ACOXL: variants seen among roughly 807,000 people sequenced by gnomAD.
The protein encoded by ACOXL is acyl-CoA oxidase like.
ACOXL carries 70 observed loss-of-function variants against 71.9 expected under a neutral mutation model. The observed-to-expected ratio is 0.97, with a 90% CI of 0.80 to 1.19. ACOXL has a LOEUF of 1.19. Ranked by LOEUF, ACOXL falls within the 50% of genes most tolerant of loss-of-function variation. ACOXL has a pLI of 0.00. For synonymous variants in ACOXL, 253 were observed against 281.6 expected, an observed-to-expected ratio of 0.90 and a Z score of 1.02; for missense variants, 703 against 736.3, an observed-to-expected ratio of 0.95 and a Z score of 0.52.
At chr2:111,061,453 C>T (rs2066808381) in intron 16 of ACOXL, among the ~76,000 whole-genome samples, 1 of 151,880 alleles carries the variant, frequency 6.6e-6, no homozygotes, top group Non-Finnish European at 1.5e-5. Flanking sequence ...GTCAAGCTAT[C>T]CTCAGATTAG....
chr2:110,963,319 TA>T (rs61659448), intron 12 of ACOXL, among the ~76,000 whole-genome samples: 18 of 149,582 alleles, frequency 1.2e-4, no homozygotes, highest in Admixed American at 2.7e-4. Context: ...AAGAACGAGG[TA>T]AAAAAAAAAT....
At chr2:110,816,302 T>C (rs1172824320) in intron 9 of ACOXL, among the ~76,000 whole-genome samples, 4 of 152,008 alleles carry the variant, frequency 2.6e-5, no homozygotes, top group African/African-American at 7.2e-5. Flanking sequence ...ATAAATATAG[T>C]GGCAAAGGGG....
intron 1 of ACOXL, among the ~76,000 whole-genome samples, chr2:110,764,982 T>G (rs1680869033): frequency 6.6e-6 from 1 of 152,236 alleles, no homozygotes; most frequent in Non-Finnish European, 1.5e-5. Flanking sequence ...AACATTGTCT[T>G]AGATTTTTTT....
intron 9 of ACOXL, among the ~76,000 whole-genome samples, chr2:110,832,401 G>A (rs371380034): frequency 3.9e-5 from 6 of 151,964 alleles, no homozygotes; most frequent in Non-Finnish European, 5.9e-5. Flanking sequence ...AGCCGGGTGC[G>A]GTGGCGGGCG....
chr2:111,017,667 G>T (rs1000872728), intron 14 of ACOXL, among the ~76,000 whole-genome samples: 44 of 152,194 alleles, frequency 2.9e-4, no homozygotes, highest in African/African-American at 1.0e-3. Context: ...ACTCCAGCCT[G>T]CCTGCTTGCC....
chr2:110,803,557 C>T (rs1372667716), intron 8 of ACOXL, among the ~76,000 whole-genome samples: 7 of 152,084 alleles, frequency 4.6e-5, no homozygotes, highest in Non-Finnish European at 7.4e-5. Flanking sequence ...AGAGCTAAAA[C>T]TACACAAATC....
chr2:111,049,349 G>C, intron 16 of ACOXL, 61 bp downstream of exon 16: 1 of 1,310,536 alleles, frequency 7.6e-7, no homozygotes, highest in African/African-American at 1.5e-5. Flanking sequence ...TTGCCCTGAG[G>C]AGAGTTTCAT....
intron 16 of ACOXL, among the ~76,000 whole-genome samples, chr2:111,061,183 T>C (rs573295210): frequency 6.6e-6 from 1 of 152,188 alleles, no homozygotes; most frequent in East Asian, 1.9e-4. Flanking sequence ...GAATGACCAA[T>C]AGGATACATC....
At chr2:111,096,335 C>T (rs1183357028) in intron 17 of ACOXL, among the ~76,000 whole-genome samples, 2 of 151,792 alleles carry the variant, frequency 1.3e-5, no homozygotes, top group East Asian at 3.9e-4. Flanking sequence ...CTCCCGGGTC[C>T]CCATTCAAGC....
intron 15 of ACOXL, among the ~76,000 whole-genome samples, chr2:111,044,482 G>C (rs2065925474): frequency 1.3e-5 from 2 of 152,236 alleles, no homozygotes; most frequent in African/African-American, 2.4e-5. Context: ...ATTATCGAGG[G>C]CCCTGGCGCA....
At chr2:110,865,526 CA>C (rs1424499432) in intron 10 of ACOXL, among the ~76,000 whole-genome samples, 1 of 152,130 alleles carries the variant, frequency 6.6e-6, no homozygotes, top group African/African-American at 2.4e-5. Context: ...GAGAAGCAGC[CA>C]ACCTAAGGGG....
intron 17 of ACOXL, chr2:111,101,915 T>C (rs1408824857): frequency 6.6e-6 from 1 of 152,348 alleles, no homozygotes; most frequent in Non-Finnish European, 1.5e-5. Flanking sequence ...CAACTGGGAG[T>C]CACATTTTTA....
At chr2:110,997,554 C>T (rs930548305) in intron 14 of ACOXL, among the ~76,000 whole-genome samples, 1 of 152,128 alleles carries the variant, frequency 6.6e-6, no homozygotes, top group African/African-American at 2.4e-5. Flanking sequence ...CAGATTTAAT[C>T]CCTGAGTACA....
At chr2:110,820,646 G>A (rs1005067509) in intron 9 of ACOXL, among the ~76,000 whole-genome samples, 8 of 152,190 alleles carry the variant, frequency 5.3e-5, no homozygotes, top group Non-Finnish European at 1.2e-4. Flanking sequence ...GACAGAAGAA[G>A]AAGGCTTGTG....
At chr2:110,978,457 G>C (rs1055811204) in intron 12 of ACOXL, among the ~76,000 whole-genome samples, 1 of 152,164 alleles carries the variant, frequency 6.6e-6, no homozygotes, top group Non-Finnish European at 1.5e-5. Context: ...TTTACAGACC[G>C]CAGAGAAGTG....
At position 110,806,280 on chromosome 2, in the gene ACOXL, G is replaced by A. The variant is rs567172539; in HGVS notation, c.753+885G>A. On this transcript the variant is annotated intron_variant, in intron 9 of 17. Coordinates refer to ENST00000439055, the MANE Select transcript of ACOXL (RefSeq NM_001142807.4). ...GGCACAGCTGTGGCCATCAACACGCGTACGCGGCCTGGCCTCGTGCCCGCC... is the reference window on the plus strand; with the variant it reads ...GGCACAGCTGTGGCCATCAACACGCATACGCGGCCTGGCCTCGTGCCCGCC... 4.6e-5 allele frequency among the ~76,000 whole-genome samples: 7 copies of A among 152,348 alleles called. No individual in the cohort carries two copies. The South Asian group carries it at 8.3e-4, about 18-fold the overall frequency.
At chr2:110,867,440 G>A (rs1259903341) in intron 10 of ACOXL, among the ~76,000 whole-genome samples, 1 of 152,194 alleles carries the variant, frequency 6.6e-6, no homozygotes, top group Non-Finnish European at 1.5e-5. Context: ...TGGAGAACTT[G>A]TTCTCTTCCA....
intron 2 of ACOXL, among the ~76,000 whole-genome samples, chr2:110,783,148 C>T (rs887165301): frequency 5.3e-5 from 8 of 152,326 alleles, no homozygotes; most frequent in Non-Finnish European, 8.8e-5. Context: ...CATTTGACCT[C>T]CCTGAGCCTG....
At chr2:110,759,472 T>C (rs1680106513) in intron 1 of ACOXL, among the ~76,000 whole-genome samples, 1 of 152,214 alleles carries the variant, frequency 6.6e-6, no homozygotes, top group African/African-American at 2.4e-5. Flanking sequence ...GTTGAAAGTC[T>C]ATTTTTTCAG....
Sources: gnomAD v4.1 joint callset for allele counts (sites outside exome capture counted in the v4.1 genomes callset) on GRCh38, gnomAD v4.1.1 for gene constraint, MANE v1.5 for transcripts, NCBI Gene and HGNC (gene_info 2026-07-23, HGNC 2026-07-21) for gene names.